The following GULP1 variants were observed in gnomAD, a reference collection of about 807,000 sequenced individuals.
The protein encoded by GULP1 is GULP PTB domain containing engulfment adaptor 1, also known as PTB domain-containing engulfment adapter protein 1.
GULP1 carries 19 observed loss-of-function variants against 40.9 expected under a neutral mutation model. That is an observed-to-expected ratio of 0.46 (90% confidence interval 0.32 to 0.68). GULP1 has a LOEUF of 0.68. Among genes scored for constraint, GULP1 ranks in the 30% least tolerant of loss-of-function variants. The probability of loss-of-function intolerance (pLI) is 0.03; values close to 1 mark genes in which losing one functional copy is unlikely to be tolerated. For missense variants in GULP1, 312 were observed against 362.2 expected (o/e 0.86, Z 1.12); for synonymous variants, 119 against 117.6 (o/e 1.01, Z -0.08).
chr2:188,377,569 A>G (rs573580837), intron 1 of GULP1, among the ~76,000 whole-genome samples: 7 of 152,280 alleles, frequency 4.6e-5, no homozygotes, highest in Non-Finnish European at 8.8e-5. Context: ...CACCCCTACC[A>G]ATTGGTTAGC....
intron 4 of GULP1, among the ~76,000 whole-genome samples, chr2:188,519,613 A>G (rs914470337): frequency 2.6e-5 from 4 of 152,176 alleles, no homozygotes; most frequent in Admixed American, 6.5e-5. Flanking sequence ...AATAGTTTCT[A>G]TTATGTTAAA....
At chr2:188,474,151 C>T (rs1393345306) in intron 2 of GULP1, among the ~76,000 whole-genome samples, 1 of 152,162 alleles carries the variant, frequency 6.6e-6, no homozygotes, top group Non-Finnish European at 1.5e-5. Flanking sequence ...AGCTGCTATC[C>T]AAGATGCAAG....
intron 2 of GULP1, among the ~76,000 whole-genome samples, chr2:188,460,205 A>G (rs1468420772): frequency 1.3e-5 from 2 of 151,944 alleles, no homozygotes; most frequent in African/African-American, 4.8e-5. Context: ...TTTGATAGGG[A>G]TTTCATTGAA....
At chr2:188,435,074 T>C (rs982665799) in intron 2 of GULP1, among the ~76,000 whole-genome samples, 8 of 152,082 alleles carry the variant, frequency 5.3e-5, no homozygotes, top group Non-Finnish European at 1.2e-4. Flanking sequence ...GAAGTATAGC[T>C]TCATACTTTC....
At chr2:188,567,604 C>T (rs1194350071) in intron 7 of GULP1, among the ~76,000 whole-genome samples, 1 of 151,996 alleles carries the variant, frequency 6.6e-6, no homozygotes, top group Non-Finnish European at 1.5e-5. Context: ...CACATGGACA[C>T]AGAGAGGGGA....
At chr2:188,304,903 G>A (rs1007427381) in intron 1 of GULP1, among the ~76,000 whole-genome samples, 1 of 152,012 alleles carries the variant, frequency 6.6e-6, no homozygotes, top group African/African-American at 2.4e-5. Context: ...CAAATATATG[G>A]GTTTTTTTCC....
intron 2 of GULP1, among the ~76,000 whole-genome samples, chr2:188,464,746 T>C (rs1286673174): frequency 2.6e-5 from 4 of 152,118 alleles, no homozygotes; most frequent in African/African-American, 9.7e-5. Context: ...CATTTTTGCC[T>C]CCCCTTTCCA....
intron 7 of GULP1, among the ~76,000 whole-genome samples, chr2:188,552,852 C>CAT (rs142037706): frequency 5.8e-4 from 87 of 148,976 alleles, no homozygotes; most frequent in African/African-American, 1.3e-3. Flanking sequence ...TAAATTTATT[C>CAT]ATATATATAT....
At chr2:188,314,005 A>C (rs534667240) in intron 1 of GULP1, among the ~76,000 whole-genome samples, 1 of 152,046 alleles carries the variant, frequency 6.6e-6, no homozygotes. Context: ...GGAAAATTAA[A>C]AAAAAAACAA....
chr2:188,348,774 G>C (rs979430107), intron 1 of GULP1, among the ~76,000 whole-genome samples: 3 of 152,168 alleles, frequency 2.0e-5, no homozygotes, highest in Non-Finnish European at 4.4e-5. Context: ...TGAGGGACTT[G>C]AGCATCTGTG....
chr2:188,587,498 T>A (rs559374689), intron 10 of GULP1, among the ~76,000 whole-genome samples: 1 of 152,242 alleles, frequency 6.6e-6, no homozygotes, highest in South Asian at 2.1e-4. Context: ...GTAGTCTCAA[T>A]GAGTAGTGCA....
intron 1 of GULP1, among the ~76,000 whole-genome samples, chr2:188,367,979 C>G (rs930201196): frequency 1.3e-5 from 2 of 151,950 alleles, no homozygotes; most frequent in Admixed American, 6.6e-5. Flanking sequence ...TTTTTTTCAC[C>G]CTTTTCATCT....
chr2:188,393,339 T>C (rs1435186790), intron 2 of GULP1, among the ~76,000 whole-genome samples: 2 of 152,050 alleles, frequency 1.3e-5, no homozygotes, highest in African/African-American at 4.8e-5. Context: ...AATGACCTTC[T>C]TTTTTTATTC....
chr2:188,391,115 T>C (rs562824216), intron 2 of GULP1, among the ~76,000 whole-genome samples: 1 of 152,258 alleles, frequency 6.6e-6, no homozygotes, highest in South Asian at 2.1e-4. Context: ...TTCATATGAA[T>C]TTCAGGATTT....
At chr2:188,300,155 G>T (rs1020788152) in intron 1 of GULP1, among the ~76,000 whole-genome samples, 1 of 151,920 alleles carries the variant, frequency 6.6e-6, no homozygotes, top group Non-Finnish European at 1.5e-5. Flanking sequence ...TTGTGCTCTC[G>T]ATTTCATATT....
intron 2 of GULP1, among the ~76,000 whole-genome samples, chr2:188,393,468 T>TATACTCATATAAA (rs2050795380): frequency 6.6e-6 from 1 of 152,056 alleles, no homozygotes; most frequent in African/African-American, 2.4e-5. Flanking sequence ...TGAGTCTTTA[T>TATACTCATATAAA]GTGTTAGGTG....
At chr2:188,550,689 A>G (rs551496965) in intron 7 of GULP1, among the ~76,000 whole-genome samples, 2 of 151,796 alleles carry the variant, frequency 1.3e-5, no homozygotes, top group Admixed American at 1.3e-4. Context: ...CAGTCGTTTT[A>G]CAAGGTCTGT....
At chr2:188,585,197 C>T (rs2153463460) in intron 10 of GULP1, among the ~76,000 whole-genome samples, 1 of 152,332 alleles carries the variant, frequency 6.6e-6, no homozygotes, top group African/African-American at 2.4e-5. Flanking sequence ...GACCCCAAGG[C>T]CTTGGGCAGC....
At chr2:188,340,052 A>C (rs1306974605) in intron 1 of GULP1, among the ~76,000 whole-genome samples, 1 of 152,336 alleles carries the variant, frequency 6.6e-6, no homozygotes, top group Non-Finnish European at 1.5e-5. Flanking sequence ...TGTTTTTTGT[A>C]TTAAAATAAT....
Sources: allele counts gnomAD v4.1 joint callset (sites outside exome capture counted in the v4.1 genomes callset), GRCh38; gene constraint gnomAD v4.1.1; transcripts MANE v1.5; gene names NCBI Gene and HGNC (gene_info 2026-07-23, HGNC 2026-07-21).